Variants in FKBP3 observed in about 807,000 individuals in gnomAD.
FKBP3 encodes peptidyl-prolyl cis-trans isomerase FKBP3.
In FKBP3, 21 loss-of-function variants were observed where a neutral mutation model predicts 30.6. That is an observed-to-expected ratio of 0.69 (90% confidence interval 0.49 to 0.99). The LOEUF is 0.99. Ranked by LOEUF, FKBP3 falls within the 50% of genes least tolerant of loss-of-function variation. The pLI is 0.00. For synonymous variants in FKBP3, 82 were observed against 91.3 expected (o/e 0.90, Z 0.58); for missense variants, 283 against 261.6 (o/e 1.08, Z -0.56).
At position 45,129,742 on chromosome 14, in the gene FKBP3, A is replaced by C. The variant is rs569744318; in HGVS notation, c.318+52T>G. 197 of 1,146,670 alleles carry C rather than the reference A, an allele frequency of 1.7e-4. 3 individuals are homozygous for C. The South Asian group carries it at 2.9e-3, about 17-fold the overall frequency. 71.0% of individuals were successfully genotyped at this position (1,146,670 alleles called of 1,614,324 possible). A position where few individuals can be genotyped will look rare whatever the true frequency, so the allele number is the denominator to read the frequency against. On this transcript the variant is annotated intron_variant, in intron 3 of 6. Transcript: ENST00000396062. ...GTTAGTGCAAATAATAAAGAAATAA[A>C]TACAATTTCTAGACTCCACATGATA...
intron 2 of FKBP3, 52 bp from the exon 3 acceptor site, chr14:45,129,953 G>T: frequency 9.0e-7 from 1 of 1,108,270 alleles, no homozygotes; most frequent in Non-Finnish European, 1.3e-6. Flanking sequence ...AAACCAAGAA[G>T]CAACATCAAG....
Position 45,121,465 on chromosome 14 carries a change from A to G in FKBP3, c.454+20T>C. Reference sequence around the variant, plus strand: ...TAGAATCTCTTTAAGCCAAAAACATAAGATTCCATTTAGACTTACTTGTTT... The same window carrying G: ...TAGAATCTCTTTAAGCCAAAAACATGAGATTCCATTTAGACTTACTTGTTT... On this transcript the variant is annotated intron_variant, in intron 4 of 6. Coordinates refer to ENST00000396062, the MANE Select transcript of FKBP3 (RefSeq NM_002013.4). 2 of 1,602,802 alleles carry G rather than the reference A, an allele frequency of 1.2e-6. No homozygotes were observed. The highest frequency in any genetic ancestry group is 1.7e-6 in the Non-Finnish European group (2 of 1,173,318).
At chr14:45,129,951 A>G in intron 2 of FKBP3, 50 bp from the exon 3 acceptor site, 1 of 1,109,424 alleles carries the variant, frequency 9.0e-7, no homozygotes, top group Non-Finnish European at 1.3e-6. Context: ...TAAAACCAAG[A>G]AGCAACATCA....
intron 6 of FKBP3, 45 bp downstream of exon 6, chr14:45,117,983 G>GT (rs752228117): frequency 0.09 from 82,930 of 922,672 alleles, no homozygotes; most frequent in South Asian, 0.15. Flanking sequence ...TGATCTAGAC[G>GT]TTTTTTTTTT....
chr14:45,129,666 G>A, intron 3 of FKBP3, 128 bp downstream of exon 3: 1 of 553,934 alleles, frequency 1.8e-6, no homozygotes, highest in Non-Finnish European at 3.1e-6. Flanking sequence ...ACTACATTAA[G>A]TGTTTGGCTC....
At chr14:45,116,342 A>C in intron 6 of FKBP3, 90 bp from the exon 7 acceptor site, 1 of 871,940 alleles carries the variant, frequency 1.1e-6, no homozygotes, top group East Asian at 2.4e-5. Flanking sequence ...AGATAGGCTC[A>C]CTAGATAAAT....
chr14:45,116,634 T>A (rs1006416341), intron 6 of FKBP3, among the ~76,000 whole-genome samples: 1 of 152,032 alleles, frequency 6.6e-6, no homozygotes. Flanking sequence ...GGCAGGTGGA[T>A]CACCTGAGGT....
chr14:45,116,501 T>TAG (rs113810759), intron 6 of FKBP3, among the ~76,000 whole-genome samples: 5 of 151,294 alleles, frequency 3.3e-5, no homozygotes, highest in African/African-American at 1.2e-4. Flanking sequence ...TATATACATA[T>TAG]AGAGAGAGAG....
chr14:45,116,158 T>C lies in FKBP3; in HGVS notation c.*40A>G. 1 of 1,454,356 alleles carries C rather than the reference T, an allele frequency of 6.9e-7. No individual in the cohort carries two copies. Among genetic ancestry groups the C allele is most frequent in the Non-Finnish European group, 9.6e-7 (1 of 1,039,174 alleles). The allele number at this position is 1,454,356 out of a possible 1,614,324, so 90.1% of individuals were successfully genotyped here. ...TAAATTTCTTCAAGGCCAAGTTTTA[T>C]CATTGTTGCTAATATCCTTAGAGCT... On this transcript the variant is annotated 3_prime_UTR_variant, in exon 7 of 7. Coordinates refer to ENST00000396062, the MANE Select transcript of FKBP3 (RefSeq NM_002013.4).
At chr14:45,117,972 G>A in intron 6 of FKBP3, 56 bp downstream of exon 6, 1 of 1,264,136 alleles carries the variant, frequency 7.9e-7, no homozygotes, top group South Asian at 1.3e-5. Flanking sequence ...ATCCTCAAAG[G>A]TGATCTAGAC....
At chr14:45,120,763 C>A in intron 5 of FKBP3, 124 bp downstream of exon 5, 1 of 737,946 alleles carries the variant, frequency 1.4e-6, no homozygotes, top group Non-Finnish European at 2.3e-6. Flanking sequence ...TGATTATACC[C>A]AATCTGTCAG....
Position 45,120,893 on chromosome 14 carries a change from G to A in FKBP3, c.516C>T (p.Ile172=). ...ATTGGCATTCTTTACTTACTCCTCT[G>A]ATAACTTTGCCTACTCCGACCTTAA... The part of the protein sequence containing the change: ...LSFKVGVGKV[I]RGWDEALLTM... The change falls in exon 5 of 7, where the codon ATC becomes ATT. Residue 172 remains isoleucine, a synonymous_variant. Transcript: ENST00000396062. 6.2e-7 allele frequency: 1 copy of A among 1,612,418 alleles called. No individual in the cohort carries two copies. The highest frequency in any genetic ancestry group is 8.5e-7 in the Non-Finnish European group (1 of 1,178,966).
At chr14:45,124,651 A>C (rs1885059442) in intron 3 of FKBP3, among the ~76,000 whole-genome samples, 1 of 151,836 alleles carries the variant, frequency 6.6e-6, no homozygotes, top group Non-Finnish European at 1.5e-5. Flanking sequence ...CAGTAGTGTG[A>C]TCACGGCTCA....
Position 45,116,033 on chromosome 14 carries a change from A to C in FKBP3, c.*165T>G, listed in dbSNP as rs971724369. On this transcript the variant is annotated 3_prime_UTR_variant, in exon 7 of 7. Transcript: ENST00000396062. Reference sequence around the variant, plus strand: ...TAGACCAGGGATTCATAAGGGATTTATCTCTCAAAAGCTGGGACCAAGTAA... The same window carrying C: ...TAGACCAGGGATTCATAAGGGATTTCTCTCTCAAAAGCTGGGACCAAGTAA... 2.5e-5 allele frequency: 14 copies of C among 569,192 alleles called. No homozygotes were observed. The highest frequency in any genetic ancestry group is 3.5e-5 in the Non-Finnish European group (11 of 313,232). 35.3% of individuals were successfully genotyped at this position (569,192 alleles called of 1,614,324 possible).
intron 4 of FKBP3, among the ~76,000 whole-genome samples, chr14:45,121,218 C>G (rs1884977848): frequency 6.6e-6 from 1 of 152,166 alleles, no homozygotes; most frequent in South Asian, 2.1e-4. Flanking sequence ...CCTGCCTTTT[C>G]TATTCAAATA....
chr14:45,134,081 C>T (rs1005903620), intron 1 of FKBP3, among the ~76,000 whole-genome samples: 2 of 152,196 alleles, frequency 1.3e-5, no homozygotes. Flanking sequence ...GGCCTCCACC[C>T]CCACTCAAGG....
At chr14:45,122,635 C>A (rs1357379867) in intron 3 of FKBP3, among the ~76,000 whole-genome samples, 2 of 151,858 alleles carry the variant, frequency 1.3e-5, no homozygotes, top group African/African-American at 4.8e-5. Context: ...TCCCGAGTAG[C>A]TGGGACTACA....
chr14:45,133,709 A>G (rs1018884746), intron 1 of FKBP3, among the ~76,000 whole-genome samples: 2 of 152,220 alleles, frequency 1.3e-5, no homozygotes, highest in African/African-American at 4.8e-5. Context: ...TGGAGAGCCT[A>G]CAGTATAAAG....
At chr14:45,123,683 C>T (rs1221810862) in intron 3 of FKBP3, among the ~76,000 whole-genome samples, 3 of 128,144 alleles carry the variant, frequency 2.3e-5, no homozygotes, top group Non-Finnish European at 4.7e-5. Flanking sequence ...GGCATGATCT[C>T]GGCTCATTGC....
Sources: allele counts gnomAD v4.1 joint callset (sites outside exome capture counted in the v4.1 genomes callset), GRCh38; gene constraint gnomAD v4.1.1; transcripts MANE v1.5; gene names NCBI Gene and HGNC (gene_info 2026-07-23, HGNC 2026-07-21).